Variants in CENPC observed in about 807,000 individuals in gnomAD.
CENPC encodes CENP-C 1.
Under a neutral mutation model 112.1 loss-of-function variants are expected in CENPC, and 63 were observed. The observed-to-expected ratio is 0.56, with a 90% confidence interval of 0.46 to 0.69. The LOEUF is 0.69. Among genes scored for constraint, CENPC ranks in the 30% least tolerant of loss-of-function variants. The probability of loss-of-function intolerance (pLI) is 0.00; values close to 1 mark genes in which losing one functional copy is unlikely to be tolerated. For missense variants in CENPC, 1,000 were observed against 1,103.8 expected (o/e 0.91, Z 1.33); for synonymous variants, 333 against 367.6 (o/e 0.91, Z 1.08).
At chr4:67,527,109 AC>A (rs1726403662) in intron 5 of CENPC, among the ~76,000 whole-genome samples, 1 of 152,176 alleles carries the variant, frequency 6.6e-6, no homozygotes, top group South Asian at 2.1e-4. Context: ...GAGATACAAA[AC>A]CTGTGGAATA....
chr4:67,486,052 A>C (rs2109769828), intron 17 of CENPC, among the ~76,000 whole-genome samples: 1 of 152,334 alleles, frequency 6.6e-6, no homozygotes, highest in East Asian at 1.9e-4. Flanking sequence ...ACATCCAAAA[A>C]TAATTTGCCT....
rs548864698 is a variant in CENPC, at chr4:67,489,530, T to A, written c.2670+437A>T. ...ATATAAAAATTTTACATGGTACATG[T>A]CACATTTTAATACCTGTATGCAATG... On this transcript the variant is annotated intron_variant, in intron 17 of 18. Transcript: ENST00000273853. 1.7e-4 allele frequency among the ~76,000 whole-genome samples: 26 copies of A among 152,188 alleles called. 1 individual carries two copies. In the South Asian group the frequency reaches 4.1e-3, roughly 24 times the overall value.
At chr4:67,494,066 G>A in intron 13 of CENPC, 78 bp from the exon 14 acceptor site, 1 of 661,880 alleles carries the variant, frequency 1.5e-6, no homozygotes, top group East Asian at 3.2e-5. Context: ...CTGTCTTTTA[G>A]AACATGAAAG....
intron 5 of CENPC, among the ~76,000 whole-genome samples, chr4:67,520,153 C>A (rs1449110843): frequency 6.6e-6 from 1 of 152,120 alleles, no homozygotes; most frequent in Non-Finnish European, 1.5e-5. Flanking sequence ...GTAAACCCAC[C>A]GAAGACCTAA....
At chr4:67,532,470 C>T (rs1162303862) in intron 4 of CENPC, among the ~76,000 whole-genome samples, 1 of 152,144 alleles carries the variant, frequency 6.6e-6, no homozygotes, top group East Asian at 1.9e-4. Flanking sequence ...CAGCACTATT[C>T]ACAATAGCAA....
intron 7 of CENPC, among the ~76,000 whole-genome samples, chr4:67,517,849 T>C (rs7664316): frequency 0.24 from 35,909 of 151,816 alleles, 4,580 homozygotes; most frequent in Non-Finnish European, 0.29. Flanking sequence ...AATAAATACA[T>C]ACATACATAC....
At chr4:67,532,078 T>G (rs1369146494) in intron 4 of CENPC, among the ~76,000 whole-genome samples, 1 of 152,062 alleles carries the variant, frequency 6.6e-6, no homozygotes, top group Non-Finnish European at 1.5e-5. Context: ...CATCAAAAAG[T>G]GGGCAAAGGA....
chr4:67,472,919 G>T (rs1231835702), intron 18 of CENPC, among the ~76,000 whole-genome samples: 1 of 152,144 alleles, frequency 6.6e-6, no homozygotes, highest in Non-Finnish European at 1.5e-5. Context: ...ATACGGAGAT[G>T]AATCAGTCGA....
intron 5 of CENPC, among the ~76,000 whole-genome samples, chr4:67,523,891 G>A (rs1270491568): frequency 6.6e-6 from 1 of 151,996 alleles, no homozygotes; most frequent in Non-Finnish European, 1.5e-5. Flanking sequence ...ACAAAAATGG[G>A]CCATGTCAAA....
intron 12 of CENPC, among the ~76,000 whole-genome samples, chr4:67,502,275 A>C (rs1458127190): frequency 6.6e-6 from 1 of 152,172 alleles, no homozygotes; most frequent in East Asian, 1.9e-4. Context: ...TGTTGACAAT[A>C]AGTGTATATA....
intron 4 of CENPC, among the ~76,000 whole-genome samples, chr4:67,532,898 A>G (rs990061401): frequency 3.9e-5 from 6 of 152,252 alleles, no homozygotes; most frequent in African/African-American, 1.2e-4. Context: ...AAGTAAAATA[A>G]TAATTTTTAA....
intron 5 of CENPC, among the ~76,000 whole-genome samples, chr4:67,523,253 C>G (rs1726279860): frequency 6.6e-6 from 1 of 152,084 alleles, no homozygotes; most frequent in Non-Finnish European, 1.5e-5. Flanking sequence ...TCAGAAGTTG[C>G]AGTGAGCCGA....
intron 16 of CENPC, among the ~76,000 whole-genome samples, chr4:67,491,480 T>TATATATATATAGAG (rs1725270093): frequency 1.1e-4 from 2 of 18,102 alleles, no homozygotes; most frequent in Non-Finnish European, 2.1e-4. Context: ...TATATATATA[T>TATATATATATAGAG]AGAGAGAGAG....
At chr4:67,497,873 G>A (rs1005072504) in intron 12 of CENPC, among the ~76,000 whole-genome samples, 12 of 151,972 alleles carry the variant, frequency 7.9e-5, no homozygotes, top group African/African-American at 2.9e-4. Context: ...AAATGTGCAA[G>A]AGCATTATGT....
intron 12 of CENPC, among the ~76,000 whole-genome samples, chr4:67,498,625 C>T (rs1725505970): frequency 6.6e-6 from 1 of 152,194 alleles, no homozygotes; most frequent in African/African-American, 2.4e-5. Context: ...AGCAACTCCT[C>T]ATCTGTTCAA....
In CENPC at chr4:67,512,580, G is replaced by A. The variant is rs369612950; in HGVS notation, c.1445-11C>T. 16 of 1,489,764 alleles carry A rather than the reference G, an allele frequency of 1.1e-5. No homozygotes were observed. The highest frequency in any genetic ancestry group is 1.4e-5 in the Non-Finnish European group (16 of 1,123,314). The allele number at this position is 1,489,764 out of a possible 1,614,324, so 92.3% of individuals were successfully genotyped here. On this transcript the variant is annotated splice_polypyrimidine_tract_variant and intron_variant, in intron 8 of 18. Coordinates refer to ENST00000273853, the MANE Select transcript of CENPC (RefSeq NM_001812.4). Reference sequence around the variant, plus strand: ...TACTTTTCTTGCTTCCTAAAATAAAGAAAACCATAAAACCAATTCACAATC... The same window carrying A: ...TACTTTTCTTGCTTCCTAAAATAAAAAAAACCATAAAACCAATTCACAATC...
chr4:67,476,498 C>T (rs1724808439), intron 17 of CENPC, among the ~76,000 whole-genome samples: 1 of 156 alleles, frequency 6.4e-3, no homozygotes, highest in Non-Finnish European at 0.014. Flanking sequence ...AGGAAGAGCC[C>T]TGTTAAGTAC....
rs1169871649 is a variant in CENPC at position 67,514,082 on chromosome 4, G to A, written c.1436C>T (p.Pro479Leu). 3 of 1,590,890 alleles carry A rather than the reference G, an allele frequency of 1.9e-6. No individual in the cohort carries two copies. The highest frequency in any genetic ancestry group is 1.8e-5 in the Admixed American group (1 of 56,950). Reference protein sequence around the residue: ...GNDCVSKKQMPPVGSKKSSTR... With the variant: ...GNDCVSKKQMLPVGSKKSSTR... Reference sequence around the variant, plus strand: ...TTAATATAAACACTTACCCACAGGTGGCATCTGTTTTTTGGAAACACAATC... The same window carrying A: ...TTAATATAAACACTTACCCACAGGTAGCATCTGTTTTTTGGAAACACAATC... The change falls in exon 8 of 19, where the codon CCA becomes CTA. Residue 479 changes from proline (P) to leucine (L), a missense_variant. Coordinates refer to ENST00000273853, the MANE Select transcript of CENPC (RefSeq NM_001812.4).
chr4:67,513,746 G>A (rs1032151633), intron 8 of CENPC, among the ~76,000 whole-genome samples: 3 of 151,934 alleles, frequency 2.0e-5, no homozygotes, highest in Admixed American at 1.3e-4. Flanking sequence ...ATAGTCCCAC[G>A]GTACCCTGGG....
Sources: allele counts gnomAD v4.1 joint callset (sites outside exome capture counted in the v4.1 genomes callset), GRCh38; gene constraint gnomAD v4.1.1; transcripts MANE v1.5; gene names NCBI Gene and HGNC (gene_info 2026-07-23, HGNC 2026-07-21).